WDR75: variants seen among roughly 807,000 people sequenced by gnomAD.
WDR75 encodes the protein WD repeat-containing protein 75.
Under a neutral mutation model 106.1 loss-of-function variants are expected in WDR75, and 52 were observed. The observed-to-expected ratio is 0.49, with a 90% CI of 0.39 to 0.62. WDR75 has a LOEUF of 0.62. Ranked by LOEUF, WDR75 falls within the 20% of genes least tolerant of loss-of-function variation. WDR75 has a pLI of 0.00. For synonymous variants in WDR75, 333 were observed against 335.5 expected (o/e 0.99, Z 0.08); for missense variants, 905 against 970.3 (o/e 0.93, Z 0.89).
rs201195585 is a variant in WDR75 at position 189,462,507 on chromosome 2, C to T, written c.802C>T (p.Arg268Cys). The T allele has an allele frequency of 5.2e-5, 84 of 1,613,784 alleles. No homozygotes were observed. The highest frequency in any genetic ancestry group is 6.0e-5 in the Non-Finnish European group (71 of 1,179,796). Residue 268 changes from arginine to cysteine, a missense_variant, in exon 9 of 21, where the codon CGT becomes TGT. Coordinates refer to ENST00000314761, the MANE Select transcript of WDR75 (RefSeq NM_032168.3). ...VTGTSLLSGG[R>C]ESVLVEWRDA... is the part of the protein sequence containing the mutation. ...AGGCACCAGTCTGCTGAGTGGCGGT[C>T]GTGAATCTGTACTTGTAGAGTGGCG...
chr2:189,450,602 C>A (rs1686598433), intron 2 of WDR75: 2 of 1,156,808 alleles, frequency 1.7e-6, no homozygotes, highest in Non-Finnish European at 2.1e-6. Flanking sequence ...CAGGTGGCAG[C>A]CACTGCACCT....
chr2:189,460,693 A>G (rs1045158857), intron 8 of WDR75, among the ~76,000 whole-genome samples: 5 of 152,134 alleles, frequency 3.3e-5, no homozygotes, highest in African/African-American at 7.2e-5. Flanking sequence ...TTTTGTAGAG[A>G]TGGGGTTTCA....
intron 1 of WDR75, among the ~76,000 whole-genome samples, chr2:189,442,491 C>G (rs1310220831): frequency 7.8e-6 from 1 of 128,514 alleles, no homozygotes; most frequent in East Asian, 2.4e-4. Context: ...CACTCTGTCA[C>G]CCAGGCTGGA....
intron 8 of WDR75, among the ~76,000 whole-genome samples, chr2:189,460,298 CCTTAGAGT>C (rs1363678092): frequency 2.0e-5 from 3 of 152,128 alleles, no homozygotes; most frequent in Admixed American, 1.3e-4. Context: ...GCTGTGGTAT[CCTTAGAGT>C]CTTACTTGGG....
chr2:189,467,309 C>A (rs1436494615), intron 13 of WDR75, among the ~76,000 whole-genome samples, 159 bp from the exon 14 acceptor site: 9 of 152,068 alleles, frequency 5.9e-5, no homozygotes, highest in Admixed American at 3.3e-4. Flanking sequence ...TTCAAAATAT[C>A]TTTTTGTACT....
Position 189,462,893 on chromosome 2 carries a change from C to A in WDR75, c.937+251C>A, listed in dbSNP as rs544794854. Among the ~76,000 whole-genome samples the A allele has an allele frequency of 2.0e-5, 3 of 152,262 alleles. No homozygotes were observed. In the East Asian group the frequency reaches 5.8e-4, roughly 29 times the overall value. Reference sequence around the variant, plus strand: ...TATTTGGTTATTGATGTGCCACTTACATTTTCAAAGTCTTTTAGTGTGGGA... The same window carrying A: ...TATTTGGTTATTGATGTGCCACTTAAATTTTCAAAGTCTTTTAGTGTGGGA... On this transcript the variant is annotated intron_variant, in intron 9 of 20. Transcript: ENST00000314761.
intron 12 of WDR75, 70 bp from the exon 13 acceptor site, chr2:189,466,355 A>T: frequency 6.6e-7 from 1 of 1,519,198 alleles, no homozygotes; most frequent in Non-Finnish European, 9.0e-7. Flanking sequence ...AATGTACAGC[A>T]TGTCAGAAAT....
At chr2:189,457,272 C>A in intron 5 of WDR75, 39 bp from the exon 6 acceptor site, 1 of 1,326,546 alleles carries the variant, frequency 7.5e-7, no homozygotes, top group Non-Finnish European at 1.1e-6. Flanking sequence ...AGAGTGTTGA[C>A]TATTTTTGTG....
chr2:189,455,574 A>G (rs1397523794), intron 5 of WDR75, 130 bp downstream of exon 5: 1 of 1,205,882 alleles, frequency 8.3e-7, no homozygotes, highest in Non-Finnish European at 1.2e-6. Context: ...GTAACTAAGA[A>G]GCCTCTTCAT....
At chr2:189,466,678 T>G in intron 13 of WDR75, 96 bp downstream of exon 13, 1 of 1,266,338 alleles carries the variant, frequency 7.9e-7, no homozygotes, top group South Asian at 1.6e-5. Flanking sequence ...GGACATTTTC[T>G]ACTTTATTGA....
intron 8 of WDR75, among the ~76,000 whole-genome samples, chr2:189,459,717 G>T (rs1455122499): frequency 1.3e-5 from 2 of 152,172 alleles, no homozygotes; most frequent in East Asian, 3.8e-4. Flanking sequence ...CTAAGTGTGT[G>T]TGGTCCATAA....
chr2:189,441,953 A>G (rs764080831), intron 1 of WDR75, among the ~76,000 whole-genome samples: 2 of 152,200 alleles, frequency 1.3e-5, no homozygotes, highest in African/African-American at 2.4e-5. Flanking sequence ...ACCTAAAACT[A>G]TTCCGCTTTT....
Position 189,466,566 on chromosome 2 carries a change from T to TGA in WDR75, c.1432_1433dup (p.Asp478GlufsTer37), listed in dbSNP as rs934980306. On this transcript the variant is annotated frameshift_variant, in exon 13 of 21. Coordinates refer to ENST00000314761, the MANE Select transcript of WDR75 (RefSeq NM_032168.3). LOFTEE classifies it high-confidence loss of function. ...ACTTCAAAGTATGGATATTAACAGA[T>TGA]GACTCTGACATATACAGTAAGTTAT... 2 of 1,612,276 alleles carry TGA rather than the reference T, an allele frequency of 1.2e-6. No homozygotes were observed.
intron 1 of WDR75, among the ~76,000 whole-genome samples, chr2:189,442,607 C>A (rs1374878718): frequency 1.3e-5 from 2 of 151,868 alleles, no homozygotes; most frequent in Non-Finnish European, 2.9e-5. Context: ...CGGGCCACCA[C>A]GCCCGCTAAT....
chr2:189,470,031 C>T, intron 16 of WDR75, 45 bp from the exon 17 acceptor site: 1 of 1,577,724 alleles, frequency 6.3e-7, no homozygotes, highest in Non-Finnish European at 8.7e-7. Context: ...CTAGAACTAA[C>T]CTTTTCAGGC....
intron 2 of WDR75, chr2:189,449,361 T>C (rs1362152860): frequency 7.7e-7 from 1 of 1,293,080 alleles, no homozygotes; most frequent in Admixed American, 2.4e-5. Flanking sequence ...GAGCTACTTC[T>C]AAAAATCAAA....
intron 1 of WDR75, among the ~76,000 whole-genome samples, chr2:189,446,296 A>G (rs1009149759): frequency 1.3e-5 from 2 of 152,196 alleles, no homozygotes. Context: ...TTGCAAAATT[A>G]GTCTGGTGTG....
intron 1 of WDR75, among the ~76,000 whole-genome samples, chr2:189,443,703 A>G (rs1235992839): frequency 6.6e-6 from 1 of 152,190 alleles, no homozygotes; most frequent in African/African-American, 2.4e-5. Flanking sequence ...TTGCCTCACC[A>G]GTAATACTGG....
chr2:189,467,678 C>A (rs774365678), intron 14 of WDR75, 30 bp downstream of exon 14: 1 of 1,529,160 alleles, frequency 6.5e-7, no homozygotes, highest in South Asian at 1.3e-5. Flanking sequence ...GTATGTAGTA[C>A]TATTTTTTAA....
Sources: allele counts gnomAD v4.1 joint callset (sites outside exome capture counted in the v4.1 genomes callset), GRCh38; gene constraint gnomAD v4.1.1; transcripts MANE v1.5; gene names NCBI Gene and HGNC (gene_info 2026-07-23, HGNC 2026-07-21).